The following CALD1 variants were observed in gnomAD, a reference collection of about 807,000 sequenced individuals.
The protein encoded by CALD1 is caldesmon.
A neutral mutation model predicts 99.9 loss-of-function variants in CALD1; 33 were observed. The ratio of observed to expected loss-of-function variants is 0.33; its 90% CI spans 0.25 to 0.44. The LOEUF (loss-of-function observed/expected upper bound fraction) is 0.44. CALD1 is among the 20% of genes least tolerant of loss of function. CALD1 has a pLI of 1.00. For synonymous variants in CALD1, 310 were observed against 325.0 expected (o/e 0.95, Z 0.50); for missense variants, 861 against 962.1 (o/e 0.89, Z 1.39).
chr7:134,918,846 A>G (rs1343157986), intron 3 of CALD1, among the ~76,000 whole-genome samples: 1 of 152,006 alleles, frequency 6.6e-6, no homozygotes, highest in African/African-American at 2.4e-5. Flanking sequence ...AAATACAAAA[A>G]TTAGCCAGAT....
At chr7:134,774,396 C>T (rs1796901389) in intron 1 of CALD1, among the ~76,000 whole-genome samples, 1 of 152,122 alleles carries the variant, frequency 6.6e-6, no homozygotes, top group Non-Finnish European at 1.5e-5. Flanking sequence ...TGGAGATGTT[C>T]AGTGTTCAAC....
At chr7:134,952,483 T>C (rs1584659962) in intron 9 of CALD1, among the ~76,000 whole-genome samples, 2 of 151,782 alleles carry the variant, frequency 1.3e-5, no homozygotes, top group Admixed American at 6.6e-5. Flanking sequence ...CTTTTTTTTT[T>C]TTTTTGAGAT....
chr7:134,731,578 A>G, the CALD1 span, among the ~76,000 whole-genome samples: 1 of 152,112 alleles, frequency 6.6e-6, no homozygotes, highest in East Asian at 1.9e-4. Flanking sequence ...ATGTCCCGCT[A>G]TGAAATTCTC....
chr7:134,836,617 G>A (rs79406512), intron 1 of CALD1, among the ~76,000 whole-genome samples: 1,859 of 152,302 alleles, frequency 0.012, 30 homozygotes, highest in African/African-American at 0.041. Flanking sequence ...ACTCTGTGAA[G>A]AGAAAGATAC....
chr7:134,950,559 T>C (rs1218257975), intron 9 of CALD1, 45 bp downstream of exon 9: 1 of 1,516,146 alleles, frequency 6.6e-7, no homozygotes, highest in Non-Finnish European at 9.1e-7. Context: ...TGATAGAGAC[T>C]GGATTTTAGC....
intron 1 of CALD1, among the ~76,000 whole-genome samples, chr7:134,811,549 A>G (rs1364627190): frequency 6.6e-6 from 1 of 152,230 alleles, no homozygotes; most frequent in East Asian, 1.9e-4. Flanking sequence ...AAAGTCTCCT[A>G]AAACTAGTCC....
At position 134,857,158 on chromosome 7, in the gene CALD1, C is replaced by CTTTTT. The variant is rs59210460; in HGVS notation, c.-41-10512_-41-10508dup. 8.0e-4 allele frequency among the ~76,000 whole-genome samples: 60 copies of CTTTTT among 75,358 alleles called. 5 individuals are homozygous for CTTTTT. Among genetic ancestry groups the CTTTTT allele is most frequent in the Admixed American group, 1.6e-3 (8 of 4,978 alleles). The allele number at this position is 75,358 out of a possible 152,430, so 49.4% of individuals were successfully genotyped here. Reference sequence around the variant, plus strand: ...AAAGATCCTATGGTTTTGCGCTATTCTTTTTTTTTTTTTTTTTTTTTTTTT... The same window carrying CTTTTT: ...AAAGATCCTATGGTTTTGCGCTATTCTTTTTTTTTTTTTTTTTTTTTTTTTTTTTT... On this transcript the variant is annotated intron_variant, in intron 2 of 14. Transcript: ENST00000361675.
At chr7:134,818,992 A>C (rs1039803417) in intron 1 of CALD1, among the ~76,000 whole-genome samples, 3 of 152,190 alleles carry the variant, frequency 2.0e-5, no homozygotes, top group African/African-American at 7.2e-5. Context: ...GTCACAGGAA[A>C]ATCCAAATTG....
At chr7:134,757,441 C>A (rs1178619694) in intron 1 of CALD1, among the ~76,000 whole-genome samples, 1 of 152,172 alleles carries the variant, frequency 6.6e-6, no homozygotes, top group Non-Finnish European at 1.5e-5. Context: ...TTACAATTTG[C>A]AGGTCTGTGT....
chr7:134,959,330 G>A (rs1400209215), intron 11 of CALD1, among the ~76,000 whole-genome samples: 1 of 152,006 alleles, frequency 6.6e-6, no homozygotes, highest in Non-Finnish European at 1.5e-5. Context: ...GAGCACGACT[G>A]TATCCCCAGA....
At chr7:134,908,973 A>G (rs1297694366) in intron 3 of CALD1, among the ~76,000 whole-genome samples, 1 of 152,216 alleles carries the variant, frequency 6.6e-6, no homozygotes, top group African/African-American at 2.4e-5. Context: ...CCATGCATAT[A>G]AGGAGTGAAG....
intron 3 of CALD1, among the ~76,000 whole-genome samples, chr7:134,884,872 A>G (rs1181463857): frequency 6.6e-6 from 1 of 152,230 alleles, no homozygotes; most frequent in African/African-American, 2.4e-5. Flanking sequence ...AAAAACAAGT[A>G]TATACACAGG....
chr7:134,851,715 T>C (rs905114120), intron 2 of CALD1, among the ~76,000 whole-genome samples: 8 of 152,142 alleles, frequency 5.3e-5, no homozygotes, highest in Non-Finnish European at 8.8e-5. Context: ...CCAACCATGA[T>C]GGAGAGAAAA....
intron 1 of CALD1, among the ~76,000 whole-genome samples, chr7:134,801,991 G>A (rs1797962612): frequency 6.6e-6 from 1 of 152,044 alleles, no homozygotes; most frequent in Middle Eastern, 3.2e-3. Context: ...CCTGTCTTCT[G>A]CCAATATAAT....
intron 2 of CALD1, among the ~76,000 whole-genome samples, chr7:134,848,656 G>A (rs1799951900): frequency 6.6e-6 from 1 of 152,098 alleles, no homozygotes; most frequent in Non-Finnish European, 1.5e-5. Flanking sequence ...AGCTCTTCTA[G>A]GAGTATTTTC....
rs1425986244 is a variant in CALD1, at chr7:134,958,347, T to C, written c.2061+57T>C. 5.3e-6 allele frequency: 7 copies of C among 1,330,568 alleles called. No individual in the cohort carries two copies. In the Admixed American group the frequency reaches 6.8e-5, roughly 13 times the overall value. The allele number at this position is 1,330,568 out of a possible 1,614,324, so 82.4% of individuals were successfully genotyped here. A position where few individuals can be genotyped will look rare whatever the true frequency, so the allele number is the denominator to read the frequency against. ...TGAACAGAAATAGATTCTGACTACA[T>C]AGAAGAGCATAAAAACACTTAGGAC... is the stretch of plus-strand genomic sequence containing the variant. On this transcript the variant is annotated intron_variant, in intron 11 of 14. Coordinates refer to ENST00000361675, the MANE Select transcript of CALD1 (RefSeq NM_033138.4).
At chr7:134,959,937 C>G (rs756772476) in intron 11 of CALD1, 37 bp from the exon 12 acceptor site, 1 of 1,608,088 alleles carries the variant, frequency 6.2e-7, no homozygotes, top group Non-Finnish European at 8.5e-7. Flanking sequence ...GAACAAACTT[C>G]CCAGCACCAA....
chr7:134,960,868 C>G, intron 13 of CALD1: 1 of 336,648 alleles, frequency 3.0e-6, no homozygotes, highest in Non-Finnish European at 5.4e-6. Context: ...GAGGAGGAAT[C>G]AGCTAGAATA....
intron 3 of CALD1, 33 bp downstream of exon 3, chr7:134,867,837 C>T (rs1318131655): frequency 1.4e-6 from 2 of 1,394,304 alleles, no homozygotes; most frequent in Admixed American, 1.8e-5. Flanking sequence ...ACTTGTATTC[C>T]CTTATTAACA....
Sources: gnomAD v4.1 joint callset for allele counts (sites outside exome capture counted in the v4.1 genomes callset) on GRCh38, gnomAD v4.1.1 for gene constraint, MANE v1.5 for transcripts, NCBI Gene and HGNC (gene_info 2026-07-23, HGNC 2026-07-21) for gene names.